The following DOT1L variants were observed in gnomAD, a reference collection of about 807,000 sequenced individuals.
DOT1L encodes the protein histone-lysine N-methyltransferase, H3 lysine-79 specific.
Under a neutral mutation model 153.3 loss-of-function variants are expected in DOT1L, and 33 were observed. The observed-to-expected ratio is 0.22, with a 90% CI of 0.16 to 0.29. The LOEUF (loss-of-function observed/expected upper bound fraction) is 0.29, where lower values mean the gene tolerates loss of function less well. DOT1L is among the 10% of genes least tolerant of loss of function. The probability of loss-of-function intolerance (pLI) is 1.00; values close to 1 mark genes in which losing one functional copy is unlikely to be tolerated. For synonymous variants in DOT1L, 1,135 were observed against 965.1 expected (o/e 1.18, Z -3.26); for missense variants, 1,847 against 2,119.9 (o/e 0.87, Z 2.53).
At chr19:2,168,523 C>T (rs528109089) in intron 1 of DOT1L, among the ~76,000 whole-genome samples, 2 of 152,254 alleles carry the variant, frequency 1.3e-5, no homozygotes, top group Admixed American at 1.3e-4. Flanking sequence ...AAGGGGTTTG[C>T]CCAATTGGCA....
chr19:2,181,970 C>T (rs1050263214), intron 2 of DOT1L, among the ~76,000 whole-genome samples: 3 of 152,182 alleles, frequency 2.0e-5, no homozygotes, highest in African/African-American at 7.2e-5. Flanking sequence ...CGCCTATAAT[C>T]CCAGCGCTTT....
In DOT1L at chr19:2,193,413, C is replaced by T. The variant is rs1489125169; in HGVS notation, c.494-276C>T. Among the ~76,000 whole-genome samples, 1 of 152,188 alleles carries T rather than the reference C, an allele frequency of 6.6e-6. No individual in the cohort carries two copies. The highest frequency in any genetic ancestry group is 1.5e-5 in the Non-Finnish European group (1 of 68,034). The stretch of plus-strand genomic sequence containing the variant: ...CTGAACAGTGAACATCACATAGGGC[C>T]CTGAGACTCAAAATGGATTCTGGTT... On this transcript the variant is annotated intron_variant, in intron 5 of 27. Coordinates refer to ENST00000398665, the MANE Select transcript of DOT1L (RefSeq NM_032482.3). The surrounding 1 kb of genome is among the most constrained non-coding windows in gnomAD (Gnocchi z 5.9).
intron 19 of DOT1L, chr19:2,215,843 A>C (rs879841698): frequency 1.3e-5 from 2 of 157,196 alleles, no homozygotes; most frequent in African/African-American, 4.8e-5. Context: ...ATAAAAAAAC[A>C]ATGTGTTTGT....
At chr19:2,174,802 G>C (rs1482643742) in intron 1 of DOT1L, among the ~76,000 whole-genome samples, 1 of 147,454 alleles carries the variant, frequency 6.8e-6, no homozygotes, top group African/African-American at 2.5e-5. Flanking sequence ...AAAAAAAAAA[G>C]CAAAAACTTT....
chr19:2,174,246 C>A (rs150228063), intron 1 of DOT1L, among the ~76,000 whole-genome samples: 229 of 152,328 alleles, frequency 1.5e-3, no homozygotes, highest in African/African-American at 5.4e-3. Context: ...GGTCTGAGTC[C>A]CCTTTTCACA....
In DOT1L at chr19:2,189,924, T is replaced by C. The variant is rs917348715; in HGVS notation, c.264+129T>C. The C allele has an allele frequency of 1.1e-5, 12 of 1,045,644 alleles. No homozygotes were observed. In the South Asian group the frequency reaches 1.6e-4, roughly 14 times the overall value. The allele number at this position is 1,045,644 out of a possible 1,614,324, so 64.8% of individuals were successfully genotyped here. On this transcript the variant is annotated intron_variant, in intron 4 of 27. Coordinates refer to ENST00000398665, the MANE Select transcript of DOT1L (RefSeq NM_032482.3). ...CCCCTGGGGATTGGAATGTGCAGCG[T>C]GGGGGGACGATGGGCTGTGGGTGAG...
rs183586615 is a variant in DOT1L at position 2,198,703 on chromosome 19, C to T, written c.652-1181C>T. ...GTGCTGGTGTGGGCTTCTGCTGTGG[C>T]CCAGGTGCCCTCACCCCCAACTACT... On this transcript the variant is annotated intron_variant, in intron 7 of 27. Transcript: ENST00000398665. Among the ~76,000 whole-genome samples, 8 of 152,296 alleles carry T rather than the reference C, an allele frequency of 5.3e-5. No homozygotes were observed. In the East Asian group the frequency reaches 9.7e-4, roughly 18 times the overall value.
intron 1 of DOT1L, among the ~76,000 whole-genome samples, chr19:2,175,554 C>T (rs534966980): frequency 1.6e-3 from 237 of 152,302 alleles, no homozygotes; most frequent in Non-Finnish European, 2.5e-3. Flanking sequence ...TCTGGCTGGA[C>T]GCAGTGGCTC....
chr19:2,164,611 C>T (rs1008425605), intron 1 of DOT1L: 2 of 201,648 alleles, frequency 9.9e-6, no homozygotes, highest in Non-Finnish European at 2.0e-5. Flanking sequence ...CCGCTCGTTC[C>T]CGGCGCTGTC....
At chr19:2,188,936 A>G (rs8113528) in intron 3 of DOT1L, among the ~76,000 whole-genome samples, 128,387 of 152,184 alleles carry the variant, frequency 0.84, 54,945 homozygotes, top group Non-Finnish European at 0.92. Flanking sequence ...GACAGTGGGC[A>G]CTCCCTGGAG....
chr19:2,194,963 C>A (rs2022955410), intron 7 of DOT1L, among the ~76,000 whole-genome samples: 1 of 152,140 alleles, frequency 6.6e-6, no homozygotes, highest in Non-Finnish European at 1.5e-5. Context: ...GTTCCTGGTC[C>A]TCAGTGCTGT....
intron 2 of DOT1L, among the ~76,000 whole-genome samples, chr19:2,184,737 G>A (rs1427124934): frequency 3.3e-5 from 5 of 152,120 alleles, no homozygotes. Context: ...TGGGCTTTCC[G>A]TACTCGCCCA....
At chr19:2,165,438 C>T (rs530134797) in intron 1 of DOT1L, among the ~76,000 whole-genome samples, 3 of 152,322 alleles carry the variant, frequency 2.0e-5, no homozygotes, top group East Asian at 3.9e-4. Context: ...CCGCACGTCC[C>T]GCGCGCGGGG....
Position 2,229,846 on chromosome 19 carries a change from C to CCCGCG in DOT1L, c.*55_*59dup, listed in dbSNP as rs2024522683. The CCCGCG allele has an allele frequency of 6.2e-7, 1 of 1,612,170 alleles. No individual in the cohort carries two copies. Among genetic ancestry groups the CCCGCG allele is most frequent in the Non-Finnish European group, 8.5e-7 (1 of 1,179,870 alleles). On this transcript the variant is annotated 3_prime_UTR_variant, in exon 28 of 28. Transcript: ENST00000398665. Reference sequence around the variant, plus strand: ...CAAGGACGGTGTGGACCAACTCGCGCCCGCGGCATGGTGCCCGCCGGCCTG... The same window carrying CCCGCG: ...CAAGGACGGTGTGGACCAACTCGCGCCCGCGCCGCGGCATGGTGCCCGCCGGCCTG...
chr19:2,210,886 C>T, intron 14 of DOT1L, 31 bp downstream of exon 14: 1 of 1,606,632 alleles, frequency 6.2e-7, no homozygotes, highest in East Asian at 2.3e-5. Context: ...GGCCCCCGCT[C>T]TCCCCGAGTG....
chr19:2,229,536 G>C lies in DOT1L; in HGVS notation c.4607-249G>C, dbSNP rs186417701. On this transcript the variant is annotated intron_variant, in intron 27 of 27. Transcript: ENST00000398665. ...GGTAGGGTGGCTTTAGCTGGACTCG[G>C]CTGTGTGTCTCCTTTGGAGGAAGGC... The C allele has an allele frequency of 4.0e-4, 392 of 985,456 alleles. 2 individuals are homozygous for C. In the African/African-American group the frequency reaches 6.5e-3, roughly 16 times the overall value. 61.0% of individuals were successfully genotyped at this position (985,456 alleles called of 1,614,324 possible). A position where few individuals can be genotyped will look rare whatever the true frequency, so the allele number is the denominator to read the frequency against.
chr19:2,226,865 G>A lies in DOT1L; in HGVS notation c.4344G>A (p.Ala1448=), dbSNP rs754093768. 2.5e-6 allele frequency: 4 copies of A among 1,574,584 alleles called. No individual in the cohort carries two copies. The highest frequency in any genetic ancestry group is 3.4e-6 in the Non-Finnish European group (4 of 1,168,452). The part of the protein sequence containing the change: ...LLSGPGLAPA[A]SSAGGAASSA... ...GCGGCCCCGGCCTGGCCCCGGCGGC[G>A]TCCTCCGCAGGCGGCGCGGCGTCCT... is the stretch of plus-strand genomic sequence containing the variant. Residue 1448 remains alanine, a synonymous_variant, in exon 27 of 28, where the codon GCG becomes GCA. Coordinates refer to ENST00000398665, the MANE Select transcript of DOT1L (RefSeq NM_032482.3).
Position 2,197,392 on chromosome 19 carries a change from A to G in DOT1L, c.652-2492A>G, listed in dbSNP as rs2023067842. On this transcript the variant is annotated intron_variant, in intron 7 of 27. Coordinates refer to ENST00000398665, the MANE Select transcript of DOT1L (RefSeq NM_032482.3). This position sits in a 1 kb window ranked among gnomAD's most constrained non-coding sequence, Gnocchi z 4.1. ...AGCACAGAGGATGGAAGCCCTCGCCATGGTTCCCAGCGATGGCCAGGAGGG... is the reference window on the plus strand; with the variant it reads ...AGCACAGAGGATGGAAGCCCTCGCCGTGGTTCCCAGCGATGGCCAGGAGGG... Among the ~76,000 whole-genome samples the G allele has an allele frequency of 6.6e-6, 1 of 152,178 alleles. No homozygotes were observed. The highest frequency in any genetic ancestry group is 6.5e-5 in the Admixed American group (1 of 15,286).
rs140401844 is a variant in DOT1L at position 2,231,097 on chromosome 19, C to G, written c.*1305C>G. 2 of 231,462 alleles carry G rather than the reference C, an allele frequency of 8.6e-6. No individual in the cohort carries two copies. The highest frequency in any genetic ancestry group is 1.2e-4 in the East Asian group (2 of 16,308). The allele number at this position is 231,462 out of a possible 1,614,324, so 14.3% of individuals were successfully genotyped here. On this transcript the variant is annotated 3_prime_UTR_variant, in exon 28 of 28. Transcript: ENST00000398665. ...GGGGTGTAGCAGGCAGGCAGGGCCA[C>G]TCCAGTGCTTCTGGAGCCCTGAGCA...
Sources: gnomAD v4.1 joint callset for allele counts (sites outside exome capture counted in the v4.1 genomes callset) on GRCh38, gnomAD v4.1.1 for gene constraint, Gnocchi (gnomAD v3.1) non-coding constraint, MANE v1.5 for transcripts, NCBI Gene and HGNC (gene_info 2026-07-23, HGNC 2026-07-21) for gene names.